TBX5: variants seen among roughly 807,000 people sequenced by gnomAD.
TBX5 encodes the protein T-box transcription factor 5.
TBX5 carries 8 observed loss-of-function variants against 51.1 expected under a neutral mutation model. The ratio of observed to expected loss-of-function variants is 0.16; its 90% CI spans 0.09 to 0.28. The LOEUF (loss-of-function observed/expected upper bound fraction) is 0.28. TBX5 is among the 10% of genes least tolerant of loss of function. The probability of loss-of-function intolerance (pLI) is 1.00; values close to 1 mark genes in which losing one functional copy is unlikely to be tolerated. For missense variants in TBX5, 589 were observed against 671.7 expected, an observed-to-expected ratio of 0.88 and a Z score of 1.36; for synonymous variants, 302 against 266.4, an observed-to-expected ratio of 1.13 and a Z score of -1.30.
At position 114,399,527 on chromosome 12, in the gene TBX5, G is replaced by T; in HGVS notation, c.348C>A (p.Phe116Leu). ...CCAGTGCCTACCATTTATTATCTGC[G>T]AATTTGTATCTGTGATCGTCGGCAG... ...IVPADDHRYK[F>L]ADNKWSVTGK... is the part of the protein sequence containing the mutation. The change falls in exon 4 of 9, where the codon TTC becomes TTA. Residue 116 changes from phenylalanine (F) to leucine (L), a missense_variant. Around this residue, in one of 7 missense-constraint regions of TBX5, gnomAD observed 85 missense variants for 95.6 expected, o/e 0.89. Transcript: ENST00000405440. 6.2e-7 allele frequency: 1 copy of T among 1,613,612 alleles called. No homozygotes were observed. Among genetic ancestry groups the T allele is most frequent in the African/African-American group, 1.3e-5 (1 of 74,972 alleles).
rs571633528 is a variant in TBX5 at position 114,397,650 on chromosome 12, C to T, written c.510+923G>A. ...TGGTGAGCAGGCTGCACATTCAATACCCTGCATTCAGTTTCAGGAAATTCA... is the reference window on the plus strand; with the variant it reads ...TGGTGAGCAGGCTGCACATTCAATATCCTGCATTCAGTTTCAGGAAATTCA... On this transcript the variant is annotated intron_variant, in intron 5 of 8. Coordinates refer to ENST00000405440, the MANE Select transcript of TBX5 (RefSeq NM_181486.4). 2.6e-5 allele frequency among the ~76,000 whole-genome samples: 4 copies of T among 152,298 alleles called. No individual in the cohort carries two copies. In the East Asian group the frequency reaches 5.8e-4, roughly 22 times the overall value.
chr12:114,389,036 C>T (rs1328602238), intron 6 of TBX5, among the ~76,000 whole-genome samples: 1 of 152,108 alleles, frequency 6.6e-6, no homozygotes, highest in Non-Finnish European at 1.5e-5. Flanking sequence ...TCAAGTGACT[C>T]TCCTGCCTCA....
chr12:114,368,591 T>C (rs913606272), intron 7 of TBX5, among the ~76,000 whole-genome samples: 3 of 152,242 alleles, frequency 2.0e-5, no homozygotes, highest in African/African-American at 7.2e-5. Flanking sequence ...ACTAGAATTC[T>C]AATCCAATCA....
intron 6 of TBX5, among the ~76,000 whole-genome samples, chr12:114,394,401 G>C (rs1348194454): frequency 1.3e-5 from 2 of 152,202 alleles, no homozygotes; most frequent in Non-Finnish European, 2.9e-5. Flanking sequence ...GGCAGCACCA[G>C]AGCCATTAAG....
intron 6 of TBX5, among the ~76,000 whole-genome samples, chr12:114,392,477 A>T (rs112549367): frequency 0.014 from 2,180 of 152,250 alleles, 55 homozygotes; most frequent in African/African-American, 0.049. Flanking sequence ...ACATCTATCC[A>T]CACCTGATGA....
chr12:114,399,697 C>T, intron 3 of TBX5, 65 bp from the exon 4 acceptor site: 1 of 1,611,916 alleles, frequency 6.2e-7, no homozygotes, highest in Non-Finnish European at 8.5e-7. Flanking sequence ...AAGGCAGCCT[C>T]CATCCATTTT....
In TBX5 at chr12:114,405,945, T is replaced by A. The variant is rs1047543431; in HGVS notation, c.-356A>T. 6 of 985,284 alleles carry A rather than the reference T, an allele frequency of 6.1e-6. No individual in the cohort carries two copies. In the Admixed American group the frequency reaches 3.7e-4, roughly 61 times the overall value. The allele number at this position is 985,284 out of a possible 1,614,324, so 61.0% of individuals were successfully genotyped here. On this transcript the variant is annotated 5_prime_UTR_variant, in exon 1 of 9. Transcript: ENST00000405440. ...TAATCTCAGTGCCCCGCTCCTCCTT[T>A]ACACCCCCAGGGAGGGAAAGTTGGA...
At chr12:114,379,904 C>T (rs1870413653) in intron 7 of TBX5, among the ~76,000 whole-genome samples, 2 of 152,178 alleles carry the variant, frequency 1.3e-5, no homozygotes, top group Admixed American at 6.5e-5. Context: ...CAAAAGAGAG[C>T]AGGTGGATCA....
intron 7 of TBX5, among the ~76,000 whole-genome samples, chr12:114,381,981 C>T (rs936458556): frequency 1.3e-5 from 2 of 152,208 alleles, no homozygotes; most frequent in Non-Finnish European, 2.9e-5. Context: ...TTCCTCCATT[C>T]CATCTGCAAA....
At chr12:114,356,500 A>G (rs945952665) in intron 8 of TBX5, among the ~76,000 whole-genome samples, 6 of 152,176 alleles carry the variant, frequency 3.9e-5, no homozygotes, top group Admixed American at 3.9e-4. Flanking sequence ...GAGGCCAAGG[A>G]AAAAGGATCA....
In TBX5 at chr12:114,384,714, A is replaced by AACACACACACACAC. The variant is rs1555225276; in HGVS notation, c.755+748_755+761dup. On this transcript the variant is annotated intron_variant, in intron 7 of 8. Coordinates refer to ENST00000405440, the MANE Select transcript of TBX5 (RefSeq NM_181486.4). ...AAACCCACCAAACAGAAAAAAAGAA[A>AACACACACACACAC]ACACACACACACACACACACACACA... 2.0e-3 allele frequency among the ~76,000 whole-genome samples: 285 copies of AACACACACACACAC among 143,944 alleles called. 3 individuals carry two copies. Among genetic ancestry groups the AACACACACACACAC allele is most frequent in the Middle Eastern group, 7.2e-3 (2 of 278 alleles). The allele number at this position is 143,944 out of a possible 152,430, so 94.4% of individuals were successfully genotyped here.
At position 114,356,122 on chromosome 12, in the gene TBX5, A is replaced by T. The variant is rs1868904797; in HGVS notation, c.983-16T>A. 6.2e-7 allele frequency: 1 copy of T among 1,606,032 alleles called. No homozygotes were observed. Among genetic ancestry groups the T allele is most frequent in the South Asian group, 1.1e-5 (1 of 91,064 alleles). ...CATTCTTCCTCTGTGAAGACAGGAG[A>T]GACAGCAGTGAGGCCAGGAGCAGGC... On this transcript the variant is annotated splice_polypyrimidine_tract_variant and intron_variant, in intron 8 of 8. Coordinates refer to ENST00000405440, the MANE Select transcript of TBX5 (RefSeq NM_181486.4).
At chr12:114,384,205 C>T (rs757149083) in intron 7 of TBX5, among the ~76,000 whole-genome samples, 1 of 151,882 alleles carries the variant, frequency 6.6e-6, no homozygotes, top group Non-Finnish European at 1.5e-5. Context: ...TTTATGAAAA[C>T]AGGAATGTGT....
chr12:114,398,973 G>T (rs910929812), intron 4 of TBX5, among the ~76,000 whole-genome samples: 2 of 152,118 alleles, frequency 1.3e-5, no homozygotes, highest in African/African-American at 2.4e-5. Flanking sequence ...AAAGTGGCGG[G>T]TTCTGGAGGT....
At chr12:114,407,025 T>C (rs972457803), upstream of TBX5, 5 of 984,964 alleles carry the variant, frequency 5.1e-6, no homozygotes, top group Non-Finnish European at 4.8e-6. Flanking sequence ...CTGATTTTTC[T>C]AGGGTTCTGA....
rs183074264 is a variant in TBX5 at position 114,357,962 on chromosome 12, G to A, written c.983-1856C>T. On this transcript the variant is annotated intron_variant, in intron 8 of 8. Transcript: ENST00000405440. The stretch of plus-strand genomic sequence containing the variant: ...GAAATGATCAGAGCTATTATTTATT[G>A]AGTACCTACTACATGACCTTACTCT... Among the ~76,000 whole-genome samples the A allele has an allele frequency of 3.3e-5, 5 of 152,322 alleles. No homozygotes were observed. In the East Asian group the frequency reaches 9.6e-4, roughly 29 times the overall value.
At chr12:114,398,755 C>A (rs1436687294) in intron 4 of TBX5, 35 bp from the exon 5 acceptor site, 1 of 1,582,206 alleles carries the variant, frequency 6.3e-7, no homozygotes. Context: ...AGGCCTGGCT[C>A]AGAGTCTGGA....
At chr12:114,368,887 A>G (rs1869702667) in intron 7 of TBX5, among the ~76,000 whole-genome samples, 2 of 152,152 alleles carry the variant, frequency 1.3e-5, no homozygotes, top group Admixed American at 1.3e-4. Context: ...TCTCAGAACC[A>G]AAGCTGGAGC....
intron 7 of TBX5, among the ~76,000 whole-genome samples, chr12:114,375,715 G>A (rs1870150151): frequency 6.6e-6 from 1 of 152,132 alleles, no homozygotes. Flanking sequence ...CGGCCACCAT[G>A]GAACACAGTA....
Sources: allele counts gnomAD v4.1 joint callset (sites outside exome capture counted in the v4.1 genomes callset), GRCh38; gene constraint gnomAD v4.1.1; regional missense constraint gnomAD v4.1.1; transcripts MANE v1.5; gene names NCBI Gene and HGNC (gene_info 2026-07-23, HGNC 2026-07-21).